The following C17orf67 variants were observed in gnomAD, a reference collection of about 807,000 sequenced individuals.
The protein encoded by C17orf67 is uncharacterized protein C17orf67.
A neutral mutation model predicts 11.2 loss-of-function variants in C17orf67; 12 were observed. The ratio of observed to expected loss-of-function variants is 1.07; its 90% confidence interval spans 0.68 to 1.73. C17orf67 has a LOEUF of 1.73. Ranked by LOEUF, C17orf67 falls within the 40% of genes most tolerant of loss-of-function variation. The pLI, the probability that C17orf67 is intolerant of heterozygous loss-of-function variation, is 0.00. For synonymous variants in C17orf67, 59 were observed against 46.9 expected (o/e 1.26, Z -1.05); for missense variants, 115 against 113.5 (o/e 1.01, Z -0.06).
In C17orf67 at chr17:56,833,124, T is replaced by C. The variant is rs1180878680; in HGVS notation, c.-783A>G. On this transcript the variant is annotated 5_prime_UTR_variant, in exon 2 of 8. Coordinates refer to ENST00000397861, the MANE Select transcript of C17orf67 (RefSeq NM_001085430.4). The stretch of plus-strand genomic sequence containing the variant: ...CTCCCACTCCTATGTATGTATGTAG[T>C]AGGAAGGAAGCCGCTGAGTGCAGCT... 3 of 152,246 alleles carry C rather than the reference T, an allele frequency of 2.0e-5. No homozygotes were observed. Among genetic ancestry groups the C allele is most frequent in the Admixed American group, 6.5e-5 (1 of 15,282 alleles). 9.4% of individuals were successfully genotyped at this position (152,246 alleles called of 1,614,324 possible). A position where few individuals can be genotyped will look rare whatever the true frequency, so the allele number is the denominator to read the frequency against.
intron 4 of C17orf67, among the ~76,000 whole-genome samples, chr17:56,824,502 C>A (rs1288295984): frequency 5.3e-5 from 8 of 152,232 alleles, no homozygotes; most frequent in Admixed American, 5.2e-4. Context: ...ATTCCCACAC[C>A]CCATTGCATG....
At chr17:56,792,643 GTGATGGTGC>G in intron 7 of C17orf67, among the ~76,000 whole-genome samples, 1 of 145,442 alleles carries the variant, frequency 6.9e-6, no homozygotes, top group Non-Finnish European at 1.5e-5. Context: ...GGTGGTGGTG[GTGATGGTGC>G]TGATGGTGGT....
At chr17:56,826,324 C>A (rs1304272017) in intron 2 of C17orf67, among the ~76,000 whole-genome samples, 1 of 152,144 alleles carries the variant, frequency 6.6e-6, no homozygotes, top group African/African-American at 2.4e-5. Flanking sequence ...TCTGCATCAG[C>A]TAGGATTCAT....
chr17:56,828,905 G>A (rs977209222), intron 2 of C17orf67, among the ~76,000 whole-genome samples: 8 of 151,550 alleles, frequency 5.3e-5, no homozygotes, highest in African/African-American at 1.2e-4. Flanking sequence ...AGAGGATGTC[G>A]GTGTATGAAA....
intron 4 of C17orf67, among the ~76,000 whole-genome samples, chr17:56,818,682 T>C (rs1336423813): frequency 6.6e-6 from 1 of 152,244 alleles, no homozygotes; most frequent in Non-Finnish European, 1.5e-5. Flanking sequence ...TATTATATTT[T>C]AACATGATGA....
intron 2 of C17orf67, among the ~76,000 whole-genome samples, chr17:56,826,268 A>G (rs1391100775): frequency 6.6e-6 from 1 of 152,168 alleles, no homozygotes; most frequent in African/African-American, 2.4e-5. Flanking sequence ...ACTTTTTAAA[A>G]GTGTATTATT....
chr17:56,825,753 C>T (rs1906009346), intron 2 of C17orf67, among the ~76,000 whole-genome samples: 1 of 151,486 alleles, frequency 6.6e-6, no homozygotes, highest in Non-Finnish European at 1.5e-5. Flanking sequence ...TAAATAAGAG[C>T]CAGATAGACA....
In C17orf67 at chr17:56,795,024, GGAGA is replaced by G; in HGVS notation, c.*20+16_*20+19del. The G allele has an allele frequency of 1.3e-6, 2 of 1,544,804 alleles. No individual in the cohort carries two copies. The highest frequency in any genetic ancestry group is 1.8e-6 in the Non-Finnish European group (2 of 1,118,678). ...CACCACTCCCTCAGACAGAGGTCCG[GGAGA>G]GAGAAGGAGACGTACCGAGGCTGGT... On this transcript the variant is annotated intron_variant, in intron 7 of 7. Transcript: ENST00000397861.
At chr17:56,796,457 A>C (rs1905215402) in intron 6 of C17orf67, among the ~76,000 whole-genome samples, 1 of 152,202 alleles carries the variant, frequency 6.6e-6, no homozygotes, top group African/African-American at 2.4e-5. Flanking sequence ...CTTATGTCAC[A>C]AAGGACCACA....
intron 6 of C17orf67, among the ~76,000 whole-genome samples, chr17:56,796,918 G>A (rs1905225212): frequency 6.6e-6 from 1 of 150,918 alleles, no homozygotes; most frequent in Admixed American, 6.6e-5. Context: ...GCCTTCACCA[G>A]TGCTGTCTAC....
chr17:56,817,763 T>C (rs930715144), intron 4 of C17orf67, among the ~76,000 whole-genome samples: 1 of 152,248 alleles, frequency 6.6e-6, no homozygotes, highest in African/African-American at 2.4e-5. Flanking sequence ...CTGGCCCATT[T>C]GCTCAAAATT....
At chr17:56,798,543 G>A (rs139768033) in intron 6 of C17orf67, among the ~76,000 whole-genome samples, 1 of 152,112 alleles carries the variant, frequency 6.6e-6, no homozygotes, top group African/African-American at 2.4e-5. Context: ...ACAAATGCAT[G>A]GCAGTCGGGC....
chr17:56,823,620 C>A (rs1292563723), intron 4 of C17orf67, among the ~76,000 whole-genome samples: 1 of 151,634 alleles, frequency 6.6e-6, no homozygotes, highest in Non-Finnish European at 1.5e-5. Context: ...AAGAAAAAAG[C>A]TAAGGAAATC....
chr17:56,825,987 C>G (rs1906021738), intron 2 of C17orf67, among the ~76,000 whole-genome samples: 1 of 152,044 alleles, frequency 6.6e-6, no homozygotes, highest in African/African-American at 2.4e-5. Flanking sequence ...CGGAGTCTCG[C>G]TCTGTCACCC....
intron 6 of C17orf67, chr17:56,803,871 T>C (rs1905383451): frequency 6.6e-6 from 1 of 152,154 alleles, no homozygotes; most frequent in Non-Finnish European, 1.5e-5. Flanking sequence ...TTATTTAAAA[T>C]ATTAGGAAAA....
chr17:56,826,087 T>C (rs980948863), intron 2 of C17orf67, among the ~76,000 whole-genome samples: 2 of 152,096 alleles, frequency 1.3e-5, no homozygotes, highest in Non-Finnish European at 2.9e-5. Flanking sequence ...CCCGAGTAGC[T>C]GGGATTACAG....
At chr17:56,828,086 C>T (rs1448780816) in intron 2 of C17orf67, among the ~76,000 whole-genome samples, 5 of 129,290 alleles carry the variant, frequency 3.9e-5, no homozygotes, top group African/African-American at 6.0e-5. Context: ...TCCAGCCTGG[C>T]GACAGAACAA....
chr17:56,830,759 ATTAT>A (rs1435077200), intron 2 of C17orf67, among the ~76,000 whole-genome samples: 1 of 152,232 alleles, frequency 6.6e-6, no homozygotes, highest in African/African-American at 2.4e-5. Context: ...ATAACTGTAA[ATTAT>A]TTATCAAGTA....
At chr17:56,827,054 A>G (rs1906057154) in intron 2 of C17orf67, among the ~76,000 whole-genome samples, 1 of 152,270 alleles carries the variant, frequency 6.6e-6, no homozygotes, top group South Asian at 2.1e-4. Context: ...AACCAACAAG[A>G]GCATAGGTTA....
Sources: allele counts gnomAD v4.1 joint callset (sites outside exome capture counted in the v4.1 genomes callset), GRCh38; gene constraint gnomAD v4.1.1; transcripts MANE v1.5; gene names NCBI Gene and HGNC (gene_info 2026-07-23, HGNC 2026-07-21).